HECTD4: variants seen among roughly 807,000 people sequenced by gnomAD.
HECTD4 encodes the protein HECT domain E3 ubiquitin protein ligase 4.
HECTD4 carries 114 observed loss-of-function variants against 471.5 expected under a neutral mutation model. The ratio of observed to expected loss-of-function variants is 0.24; its 90% CI spans 0.21 to 0.28. The LOEUF is 0.28. Among genes scored for constraint, HECTD4 ranks in the 10% least tolerant of loss-of-function variants. The pLI is 1.00. For missense variants in HECTD4, 3,866 were observed against 5,651.5 expected (o/e 0.68, Z 10.13); for synonymous variants, 2,012 against 2,256.0 (o/e 0.89, Z 3.07).
At chr12:112,282,334 G>C (rs373090261) in intron 8 of HECTD4, among the ~76,000 whole-genome samples, 178 of 152,152 alleles carry the variant, frequency 1.2e-3, no homozygotes, top group African/African-American at 4.1e-3. Flanking sequence ...AGTGAGCTGA[G>C]ATCGCGCCAC....
chr12:112,365,315 G>A (rs1382401203), intron 1 of HECTD4, among the ~76,000 whole-genome samples: 2 of 152,154 alleles, frequency 1.3e-5, no homozygotes, highest in Non-Finnish European at 2.9e-5. Flanking sequence ...TGGGGAGGCT[G>A]AGCCCAGGAG....
chr12:112,189,627 G>A (rs546732606), intron 60 of HECTD4, among the ~76,000 whole-genome samples: 20 of 151,448 alleles, frequency 1.3e-4, no homozygotes, highest in African/African-American at 4.9e-4. Flanking sequence ...CTGCAGCAGT[G>A]GATGACAGGG....
intron 13 of HECTD4, among the ~76,000 whole-genome samples, chr12:112,268,766 A>G (rs1484597823): frequency 6.6e-6 from 1 of 151,326 alleles, no homozygotes; most frequent in Non-Finnish European, 1.5e-5. Flanking sequence ...CAAACAAGCA[A>G]AAAGAAAAAA....
At position 112,256,370 on chromosome 12, in the gene HECTD4, G is replaced by C. The variant is rs779444185; in HGVS notation, c.3277C>G (p.Leu1093Val). The C allele has an allele frequency of 1.2e-6, 2 of 1,611,496 alleles. No individual in the cohort carries two copies. Among genetic ancestry groups the C allele is most frequent in the Non-Finnish European group, 1.7e-6 (2 of 1,178,836 alleles). Residue 1093 changes from leucine (L) to valine (V), a missense_variant, in exon 21 of 76, where the codon CTG (leucine) becomes GTG (valine). Around this residue, in one of 16 missense-constraint regions of HECTD4, gnomAD observed 281 missense variants for 499.9 expected, o/e 0.56. Transcript: ENST00000682272. ...CATCTGCTATCAAATCTAAGGTACA[G>C]GCAGCGAGCTCCTGGGATATGGACC... ...ETVHIPGARC[L>V]YLRFDSRCSS...
chr12:112,178,780 C>T, intron 64 of HECTD4, 151 bp downstream of exon 64: 1 of 881,154 alleles, frequency 1.1e-6, no homozygotes, highest in Non-Finnish European at 1.7e-6. Context: ...TGTGATCGGG[C>T]CGCTGCACTC....
intron 1 of HECTD4, among the ~76,000 whole-genome samples, chr12:112,369,296 T>G (rs575219590): frequency 6.6e-6 from 1 of 152,060 alleles, no homozygotes; most frequent in African/African-American, 2.4e-5. Flanking sequence ...TGGATGCATC[T>G]TTTGGAGCGA....
chr12:112,328,623 T>C (rs2135712708), intron 1 of HECTD4, among the ~76,000 whole-genome samples: 1 of 152,308 alleles, frequency 6.6e-6, no homozygotes. Context: ...GCCAAGTAAG[T>C]ACATCATGAT....
intron 1 of HECTD4, among the ~76,000 whole-genome samples, chr12:112,338,924 T>C (rs1724483084): frequency 6.6e-6 from 1 of 152,114 alleles, no homozygotes; most frequent in African/African-American, 2.4e-5. Context: ...AATACGCCCC[T>C]ATGACCCAAA....
intron 21 of HECTD4, 140 bp downstream of exon 21, chr12:112,256,180 T>C (rs903170797): frequency 3.6e-6 from 2 of 558,358 alleles, no homozygotes; most frequent in South Asian, 8.2e-5. Flanking sequence ...GATAAGAACT[T>C]TATCTTAGGA....
chr12:112,299,275 T>C (rs1038941582), intron 7 of HECTD4, among the ~76,000 whole-genome samples: 15 of 152,146 alleles, frequency 9.9e-5, no homozygotes, highest in African/African-American at 3.6e-4. Flanking sequence ...ACTAAGCATC[T>C]TTAAAAATAC....
At chr12:112,167,975 T>TG in intron 70 of HECTD4, 58 bp from the exon 71 acceptor site, 9 of 1,302,692 alleles carry the variant, frequency 6.9e-6, no homozygotes, top group African/African-American at 1.5e-5. Flanking sequence ...GGCGACACCG[T>TG]TCCCTCCCTC....
Position 112,275,808 on chromosome 12 carries a change from A to C in HECTD4, c.1688-848T>G, listed in dbSNP as rs888642873. 2.6e-5 allele frequency among the ~76,000 whole-genome samples: 4 copies of C among 152,192 alleles called. No homozygotes were observed. In the South Asian group the frequency reaches 8.3e-4, roughly 32 times the overall value. On this transcript the variant is annotated intron_variant, in intron 9 of 75. Transcript: ENST00000682272. ...AATGATACTCTTTTTTCTATTTTCTACTGTTTCATTAAACAAAATGGGACA... is the reference window on the plus strand; with the variant it reads ...AATGATACTCTTTTTTCTATTTTCTCCTGTTTCATTAAACAAAATGGGACA...
In HECTD4 at chr12:112,274,881, G is replaced by A; in HGVS notation, c.1767C>T (p.Ser589=). The A allele has an allele frequency of 6.5e-7, 1 of 1,549,896 alleles. No homozygotes were observed. Among genetic ancestry groups the A allele is most frequent in the Non-Finnish European group, 8.7e-7 (1 of 1,146,428 alleles). ...SRADLIDAAG[S]SLGRGALVPG... is the part of the protein sequence containing the mutation. ...GTACGAGAGCACCACGCCCCAGTGA[G>A]CTTCCAGCAGCATCTATGAGATCTG... Residue 589 remains serine, a synonymous_variant, in exon 10 of 76, where the codon AGC becomes AGT. Transcript: ENST00000682272.
intron 1 of HECTD4, among the ~76,000 whole-genome samples, chr12:112,371,341 C>T (rs1304535848): frequency 1.3e-5 from 2 of 151,950 alleles, no homozygotes; most frequent in Non-Finnish European, 2.9e-5. Context: ...TCTGGAAGGC[C>T]GAGGTGGGTG....
rs112511174 is a variant in HECTD4 at position 112,188,730 on chromosome 12, T to G, written c.9472+2056A>C. Among the ~76,000 whole-genome samples the G allele has an allele frequency of 1.3e-5, 2 of 152,364 alleles. No individual in the cohort carries two copies. The highest frequency in any genetic ancestry group is 4.8e-5 in the African/African-American group (2 of 41,582). The stretch of plus-strand genomic sequence containing the variant: ...AGAGGGGATCAAGCTTCCTGCTCTC[T>G]CAGGACTGACACTGCTTGCGAATTC... On this transcript the variant is annotated intron_variant, in intron 60 of 75. Coordinates refer to ENST00000682272, the MANE Select transcript of HECTD4 (RefSeq NM_001388303.1). The surrounding 1 kb of genome is among the most constrained non-coding windows in gnomAD (Gnocchi z 4.2).
chr12:112,207,374 C>G (rs1160722836), intron 52 of HECTD4, among the ~76,000 whole-genome samples: 1 of 152,068 alleles, frequency 6.6e-6, no homozygotes, highest in African/African-American at 2.4e-5. Flanking sequence ...AACTCCTGAC[C>G]TCAGGTGATC....
intron 1 of HECTD4, among the ~76,000 whole-genome samples, chr12:112,323,874 A>C (rs1359009882): frequency 6.6e-6 from 1 of 151,970 alleles, no homozygotes; most frequent in Admixed American, 6.6e-5. Context: ...ATTCAACTAG[A>C]TATCACTGGG....
intron 1 of HECTD4, among the ~76,000 whole-genome samples, chr12:112,375,303 C>T (rs1453672219): frequency 6.6e-6 from 1 of 152,170 alleles, no homozygotes; most frequent in Non-Finnish European, 1.5e-5. Context: ...TGCTGACGGA[C>T]ATTTGGATTG....
intron 7 of HECTD4, among the ~76,000 whole-genome samples, chr12:112,288,248 G>C (rs1175422671): frequency 6.6e-6 from 1 of 151,400 alleles, no homozygotes; most frequent in East Asian, 1.9e-4. Context: ...GAACCCAGGA[G>C]GCAGAGGTTG....
Sources: gnomAD v4.1 joint callset for allele counts (sites outside exome capture counted in the v4.1 genomes callset) on GRCh38, gnomAD v4.1.1 for gene constraint, gnomAD v4.1.1 regional missense constraint, Gnocchi (gnomAD v3.1) non-coding constraint, MANE v1.5 for transcripts, NCBI Gene and HGNC (gene_info 2026-07-23, HGNC 2026-07-21) for gene names.